The following MND1 variants were observed in gnomAD, a reference collection of about 807,000 sequenced individuals.
MND1 encodes the protein meiotic nuclear divisions 1, also known as meiotic nuclear division protein 1 homolog.
In MND1, 28 loss-of-function variants were observed where a neutral mutation model predicts 35.1. The observed-to-expected ratio is 0.80, with a 90% CI of 0.59 to 1.09. The LOEUF is 1.09. MND1 is among the 50% of genes least tolerant of loss of function. The pLI is 0.00. For synonymous variants in MND1, 69 were observed against 70.5 expected (o/e 0.98, Z 0.11); for missense variants, 213 against 239.6 (o/e 0.89, Z 0.73).
At chr4:153,359,972 A>T (rs1773440992) in intron 4 of MND1, among the ~76,000 whole-genome samples, 1 of 151,940 alleles carries the variant, frequency 6.6e-6, no homozygotes, top group Non-Finnish European at 1.5e-5. Flanking sequence ...TTTTTAGTAG[A>T]GACGGGGTTT....
intron 4 of MND1, among the ~76,000 whole-genome samples, chr4:153,363,786 A>G (rs947869891): frequency 2.0e-5 from 3 of 152,248 alleles, no homozygotes; most frequent in African/African-American, 7.2e-5. Context: ...TTACATGATG[A>G]TAAATGCCTT....
rs377581795 is a variant in MND1, at chr4:153,390,866, G to A, written c.277-3396G>A. On this transcript the variant is annotated intron_variant, in intron 4 of 7. Transcript: ENST00000240488. ...CAAAACAAAAAAACAGAACCAGCCC[G>A]TCTCAAAAAAAAAGGTATATATATG... is the stretch of plus-strand genomic sequence containing the variant. Among the ~76,000 whole-genome samples the A allele has an allele frequency of 5.4e-5, 8 of 147,564 alleles. No individual in the cohort carries two copies. The East Asian group carries it at 6.0e-4, about 11-fold the overall frequency.
chr4:153,357,322 A>G (rs1773370971), intron 3 of MND1, among the ~76,000 whole-genome samples: 1 of 152,140 alleles, frequency 6.6e-6, no homozygotes, highest in African/African-American at 2.4e-5. Flanking sequence ...AAAGATATGC[A>G]AATTTCTTAA....
chr4:153,361,195 C>T (rs565404249), intron 4 of MND1, among the ~76,000 whole-genome samples: 1 of 152,320 alleles, frequency 6.6e-6, no homozygotes, highest in South Asian at 2.1e-4. Flanking sequence ...TGAAGGACAT[C>T]CTTTAGTAAT....
chr4:153,394,287 C>G lies in MND1; in HGVS notation c.302C>G (p.Ala101Gly), dbSNP rs1647262730. 3.7e-6 allele frequency: 6 copies of G among 1,612,338 alleles called. No homozygotes were observed. The highest frequency in any genetic ancestry group is 5.1e-6 in the Non-Finnish European group (6 of 1,178,916). The change falls in exon 5 of 8, where the codon GCA becomes GGA. Residue 101 changes from alanine to glycine, a missense_variant. By Grantham distance (60) the Ala-to-Gly change is moderately conservative. Transcript: ENST00000240488. ...SQLSEGSQKH[A>G]SLQKSIEKAK... Reference sequence around the variant, plus strand: ...TTGTCTGAGGGAAGTCAAAAGCATGCAAGCCTACAGAAAAGCATTGAGAAA... The same window carrying G: ...TTGTCTGAGGGAAGTCAAAAGCATGGAAGCCTACAGAAAAGCATTGAGAAA...
chr4:153,374,892 T>C (rs1172167776), intron 4 of MND1, among the ~76,000 whole-genome samples: 1 of 152,164 alleles, frequency 6.6e-6, no homozygotes, highest in Non-Finnish European at 1.5e-5. Context: ...ACTTTGGCGG[T>C]TATTTTCTGT....
chr4:153,363,062 A>C (rs184653416), intron 4 of MND1: 122 of 969,896 alleles, frequency 1.3e-4, no homozygotes, highest in African/African-American at 6.1e-4. Flanking sequence ...GTTTGCTGGT[A>C]CTTTGAGCTA....
At chr4:153,413,962 T>C (rs1217596610) in intron 7 of MND1, among the ~76,000 whole-genome samples, 2 of 152,200 alleles carry the variant, frequency 1.3e-5, no homozygotes, top group African/African-American at 2.4e-5. Flanking sequence ...CAGGAGATGC[T>C]GAGGACATTT....
intron 1 of MND1, chr4:153,345,356 G>T (rs1773049046): frequency 1.0e-6 from 1 of 985,366 alleles, no homozygotes; most frequent in African/African-American, 1.7e-5. Flanking sequence ...CCAATTAGTC[G>T]ATTTCTGTGA....
At chr4:153,385,606 C>T (rs1192250761) in intron 4 of MND1, among the ~76,000 whole-genome samples, 2 of 151,316 alleles carry the variant, frequency 1.3e-5, no homozygotes, top group South Asian at 2.1e-4. Context: ...TTCCCAGCTG[C>T]TCAGGAGGCT....
At position 153,405,700 on chromosome 4, in the gene MND1, A is replaced by G. The variant is rs77050357; in HGVS notation, c.467-3271A>G. 2.9e-3 allele frequency among the ~76,000 whole-genome samples: 436 copies of G among 152,326 alleles called. 5 individuals are homozygous for G. The highest frequency in any genetic ancestry group is 0.01 in the African/African-American group (422 of 41,582). On this transcript the variant is annotated intron_variant, in intron 6 of 7. Coordinates refer to ENST00000240488, the MANE Select transcript of MND1 (RefSeq NM_032117.4). ...GGGCACAACTGGATATCCACATGCA[A>G]ATGAATTAATCTGAACCCCCACCTT...
intron 1 of MND1, chr4:153,345,541 C>T: frequency 1.0e-6 from 1 of 985,324 alleles, no homozygotes. Context: ...CGTCTTTCTG[C>T]TCATCAAATC....
chr4:153,379,891 G>A (rs192126168), intron 4 of MND1, among the ~76,000 whole-genome samples: 54 of 145,518 alleles, frequency 3.7e-4, no homozygotes, highest in East Asian at 2.0e-3. Context: ...GTGTTGTGGC[G>A]CACACCTGTA....
At chr4:153,393,714 A>G (rs1036551800) in intron 4 of MND1, among the ~76,000 whole-genome samples, 2 of 151,906 alleles carry the variant, frequency 1.3e-5, no homozygotes, top group Admixed American at 6.6e-5. Context: ...ATAGACCTCA[A>G]GTTACTTGGA....
chr4:153,394,369 G>A, intron 5 of MND1, 33 bp downstream of exon 5: 1 of 1,548,622 alleles, frequency 6.5e-7, no homozygotes, highest in African/African-American at 1.4e-5. Context: ...TTTTAATAAT[G>A]GCAATTCTAA....
At chr4:153,393,919 G>GTTTTTTTTTT (rs1360869360) in intron 4 of MND1, among the ~76,000 whole-genome samples, 8 of 55,556 alleles carry the variant, frequency 1.4e-4, no homozygotes, top group South Asian at 6.0e-4. Context: ...GTTTGACTTT[G>GTTTTTTTTTT]TTTTCTTTTT....
intron 4 of MND1, among the ~76,000 whole-genome samples, chr4:153,359,330 T>TGGAGACA (rs1408642233): frequency 6.6e-6 from 1 of 152,232 alleles, no homozygotes; most frequent in Non-Finnish European, 1.5e-5. Flanking sequence ...ACAAAATGCA[T>TGGAGACA]TTGAGGTTTC....
chr4:153,345,468 A>T (rs1291659257), intron 1 of MND1: 1 of 985,274 alleles, frequency 1.0e-6, no homozygotes, highest in East Asian at 1.1e-4. Flanking sequence ...CTCTGCACTG[A>T]ATTAGGCTTC....
intron 6 of MND1, 27 bp downstream of exon 6, chr4:153,397,360 CT>C: frequency 1.3e-6 from 2 of 1,513,262 alleles, no homozygotes; most frequent in South Asian, 1.2e-5. Context: ...CCTTAGGGAT[CT>C]TTAACTTTGA....
Sources: gnomAD v4.1 joint callset for allele counts (sites outside exome capture counted in the v4.1 genomes callset) on GRCh38, gnomAD v4.1.1 for gene constraint, MANE v1.5 for transcripts, NCBI Gene and HGNC (gene_info 2026-07-23, HGNC 2026-07-21) for gene names.